Variants in DAPK2 observed in about 807,000 individuals in gnomAD.
The protein encoded by DAPK2 is death-associated protein kinase 2.
DAPK2 carries 35 observed loss-of-function variants against 44.1 expected under a neutral mutation model. That is an observed-to-expected ratio of 0.79 (90% CI 0.61 to 1.05). DAPK2 has a LOEUF of 1.05. Ranked by LOEUF, DAPK2 falls within the 50% of genes least tolerant of loss-of-function variation. DAPK2 has a pLI of 0.00. For synonymous variants in DAPK2, 174 were observed against 182.6 expected, an observed-to-expected ratio of 0.95 and a Z score of 0.38; for missense variants, 453 against 483.2, an observed-to-expected ratio of 0.94 and a Z score of 0.59.
intron 3 of DAPK2, among the ~76,000 whole-genome samples, chr15:63,968,994 G>A (rs574682214): frequency 6.6e-6 from 1 of 152,312 alleles, no homozygotes; most frequent in African/African-American, 2.4e-5. Flanking sequence ...TGCAATCAAG[G>A]CAGACCATTT....
At chr15:63,964,176 G>C (rs1322082369) in intron 3 of DAPK2, among the ~76,000 whole-genome samples, 1 of 152,154 alleles carries the variant, frequency 6.6e-6, no homozygotes, top group East Asian at 1.9e-4. Context: ...GTCTGGGAAA[G>C]TCTTTATTTC....
chr15:63,965,443 A>G (rs143997092), intron 3 of DAPK2, among the ~76,000 whole-genome samples: 2 of 152,208 alleles, frequency 1.3e-5, no homozygotes, highest in East Asian at 3.9e-4. Context: ...CCCAAGGCTT[A>G]TAACAGCTGC....
chr15:64,039,353 C>T (rs771613408), intron 1 of DAPK2, among the ~76,000 whole-genome samples: 1 of 152,186 alleles, frequency 6.6e-6, no homozygotes, highest in African/African-American at 2.4e-5. Context: ...TGTGCAGGTG[C>T]AAAATGGACT....
intron 1 of DAPK2, among the ~76,000 whole-genome samples, chr15:64,005,781 C>A (rs1347362541): frequency 6.6e-6 from 1 of 152,128 alleles, no homozygotes; most frequent in Non-Finnish European, 1.5e-5. Flanking sequence ...GTAATCCCAG[C>A]TACTCAAGAG....
At chr15:64,029,782 C>G (rs1425849847) in intron 1 of DAPK2, 1 of 152,432 alleles carries the variant, frequency 6.6e-6, no homozygotes, top group Non-Finnish European at 1.5e-5. Flanking sequence ...CACACACACC[C>G]ACTTACCTTT....
At chr15:63,932,596 C>CA (rs1363871532) in intron 4 of DAPK2, 1 of 149,794 alleles carries the variant, frequency 6.7e-6, no homozygotes, top group Non-Finnish European at 1.5e-5. Context: ...ATCATGGAGG[C>CA]AAAAAAGAGG....
At chr15:63,982,533 C>G (rs2140852278) in intron 2 of DAPK2, among the ~76,000 whole-genome samples, 1 of 152,150 alleles carries the variant, frequency 6.6e-6, no homozygotes, top group East Asian at 1.9e-4. Flanking sequence ...GACACAGCCA[C>G]TGTAACTTGT....
chr15:64,021,534 T>G (rs1222592764), intron 1 of DAPK2, among the ~76,000 whole-genome samples: 1 of 152,212 alleles, frequency 6.6e-6, no homozygotes, highest in Non-Finnish European at 1.5e-5. Flanking sequence ...CTGTGCTCGT[T>G]GAGTGCCTAC....
chr15:63,937,981 T>C (rs1214499475), intron 4 of DAPK2, among the ~76,000 whole-genome samples: 1 of 152,170 alleles, frequency 6.6e-6, no homozygotes, highest in Non-Finnish European at 1.5e-5. Flanking sequence ...GTGTCCCCCA[T>C]ACATCACCTA....
chr15:63,937,580 C>A lies in DAPK2; in HGVS notation c.583+1652G>T, dbSNP rs568138136. ...TCCTCCCCTCCTCTGGCTCCCTCCC[C>A]ACCCCTCTTCAGAGACCTCTCCCAC... On this transcript the variant is annotated intron_variant, in intron 4 of 10. Coordinates refer to ENST00000261891, the Ensembl canonical transcript of DAPK2. Among the ~76,000 whole-genome samples, 3 of 152,266 alleles carry A rather than the reference C, an allele frequency of 2.0e-5. No individual in the cohort carries two copies. The South Asian group carries it at 6.2e-4, about 32-fold the overall frequency.
chr15:64,018,286 C>T (rs2079589059), intron 1 of DAPK2, among the ~76,000 whole-genome samples: 1 of 152,140 alleles, frequency 6.6e-6, no homozygotes, highest in Non-Finnish European at 1.5e-5. Context: ...CAGCACTTGG[C>T]CAGTCCCAAG....
At chr15:63,999,588 T>G (rs766062830) in intron 1 of DAPK2, among the ~76,000 whole-genome samples, 1 of 152,132 alleles carries the variant, frequency 6.6e-6, no homozygotes, top group Non-Finnish European at 1.5e-5. Context: ...TTCATTATTT[T>G]AAAACTTTTT....
At chr15:64,040,087 T>A in intron 1 of DAPK2, 83 bp downstream of exon 2, 2 of 1,131,366 alleles carry the variant, frequency 1.8e-6, no homozygotes, top group Non-Finnish European at 2.7e-6. Context: ...GGCCCTGCCT[T>A]CCAACACCAA....
At chr15:63,963,138 G>A (rs1481089970) in intron 3 of DAPK2, among the ~76,000 whole-genome samples, 2 of 152,222 alleles carry the variant, frequency 1.3e-5, no homozygotes, top group African/African-American at 4.8e-5. Flanking sequence ...GTGGGCATGG[G>A]ACCCTCTGAG....
chr15:64,040,118 AGCATGACTTTGGCTCCCTCG>A, intron 1 of DAPK2, 32 bp downstream of exon 2: 1 of 1,419,792 alleles, frequency 7.0e-7, no homozygotes. Flanking sequence ...TGCCAGAAGA[AGCATGACTTTGGCTCCCTCG>A]GCATCCCCCC....
chr15:63,983,655 G>T (rs368126851), exon 2 of DAPK2: 1 of 1,614,134 alleles, frequency 6.2e-7, no homozygotes, highest in Non-Finnish European at 8.5e-7. Context: ...GGCTCACACC[G>T]CGCCGGCTCG....
At position 63,975,209 on chromosome 15, in the gene DAPK2, C is replaced by T. The variant is rs570830108; in HGVS notation, c.315-3648G>A. Reference sequence around the variant, plus strand: ...GAAAGATCTCAGGAAGGGTTCTAGGCCAAGGGATCCAGGACCTTGGGATCA... The same window carrying T: ...GAAAGATCTCAGGAAGGGTTCTAGGTCAAGGGATCCAGGACCTTGGGATCA... On this transcript the variant is annotated intron_variant, in intron 2 of 10. Coordinates refer to ENST00000261891, the Ensembl canonical transcript of DAPK2. Among the ~76,000 whole-genome samples the T allele has an allele frequency of 2.7e-4, 41 of 152,210 alleles. 1 individual carries two copies. The highest frequency in any genetic ancestry group is 6.8e-3 in the Middle Eastern group (2 of 294).
At position 64,013,110 on chromosome 15, in the gene DAPK2, C is replaced by A. The variant is rs1374628656; in HGVS notation, c.92+27060G>T. Among the ~76,000 whole-genome samples the A allele has an allele frequency of 6.6e-6, 1 of 152,216 alleles. No homozygotes were observed. The highest frequency in any genetic ancestry group is 1.5e-5 in the Non-Finnish European group (1 of 68,040). On this transcript the variant is annotated intron_variant, in intron 1 of 10. Transcript: ENST00000261891. The surrounding 1 kb of genome is among the most constrained non-coding windows in gnomAD (Gnocchi z 4.7). ...CCTGAGACCCCTGCCACCCCAGACC[C>A]CCAGACAACCCATAAGGTGGCAACC...
chr15:64,024,637 G>T lies in DAPK2; in HGVS notation c.92+15533C>A, dbSNP rs193090132. Among the ~76,000 whole-genome samples, 11 of 152,288 alleles carry T rather than the reference G, an allele frequency of 7.2e-5. No homozygotes were observed. In the East Asian group the frequency reaches 1.9e-3, roughly 27 times the overall value. On this transcript the variant is annotated intron_variant, in intron 1 of 10. Transcript: ENST00000261891. ...GATTCCAGTGCCCAGAACAGTCACT[G>T]CCAGGCTGTCCCGCCCTGAGCCTAT... is the stretch of plus-strand genomic sequence containing the variant.
Sources: gnomAD v4.1 joint callset for allele counts (sites outside exome capture counted in the v4.1 genomes callset) on GRCh38, gnomAD v4.1.1 for gene constraint, Gnocchi (gnomAD v3.1) non-coding constraint, MANE v1.5 for transcripts, NCBI Gene and HGNC (gene_info 2026-07-23, HGNC 2026-07-21) for gene names.